DMWD: variants seen among roughly 807,000 people sequenced by gnomAD.
DMWD encodes the protein dystrophia myotonica WD repeat-containing protein.
A neutral mutation model predicts 45.8 loss-of-function variants in DMWD; 19 were observed. That is an observed-to-expected ratio of 0.41 (90% confidence interval 0.29 to 0.61). DMWD has a LOEUF of 0.61. Among genes scored for constraint, DMWD ranks in the 20% least tolerant of loss-of-function variants. The probability of loss-of-function intolerance (pLI) is 0.25; values close to 1 mark genes in which losing one functional copy is unlikely to be tolerated. For missense variants in DMWD, 802 were observed against 965.2 expected, an observed-to-expected ratio of 0.83 and a Z score of 2.24; for synonymous variants, 515 against 440.5, an observed-to-expected ratio of 1.17 and a Z score of -2.12.
Position 45,792,811 on chromosome 19 carries a change from C to G in DMWD, c.-55G>C. ...CGGACTGCCGCCCGCAGCCGGGCCC[C>G]CTCCCGGAAGCCGCTGGCCCGCGCC... On this transcript the variant is annotated 5_prime_UTR_variant, in exon 1 of 5. Transcript: ENST00000270223. 2.8e-6 allele frequency: 3 copies of G among 1,081,900 alleles called. No individual in the cohort carries two copies. Among genetic ancestry groups the G allele is most frequent in the Non-Finnish European group, 3.4e-6 (3 of 893,006 alleles). 67.0% of individuals were successfully genotyped at this position (1,081,900 alleles called of 1,614,324 possible).
Position 45,785,891 on chromosome 19 carries a change from C to T in DMWD, c.1605G>A (p.Gly535=), listed in dbSNP as rs1295088839. The T allele has an allele frequency of 1.9e-6, 3 of 1,604,476 alleles. No homozygotes were observed. Among genetic ancestry groups the T allele is most frequent in the Admixed American group, 3.3e-5 (2 of 59,984 alleles). The change falls in exon 3 of 5, where the codon GGG becomes GGA. Residue 535 remains glycine, a synonymous_variant. Coordinates refer to ENST00000270223, the MANE Select transcript of DMWD (RefSeq NM_004943.2). The part of the protein sequence containing the change: ...TLTLQERRDR[G]AEKEHKRYHS... Reference sequence around the variant, plus strand: ...GGTAGCGCTTGTGCTCCTTCTCTGCCCCCCGGTCCCGCCGCTCCTGCAGTG... The same window carrying T: ...GGTAGCGCTTGTGCTCCTTCTCTGCTCCCCGGTCCCGCCGCTCCTGCAGTG...
rs765163126 is a variant in DMWD, at chr19:45,786,131, G to C, written c.1365C>G (p.Pro455=). 6.5e-7 allele frequency: 1 copy of C among 1,529,972 alleles called. No individual in the cohort carries two copies. Among genetic ancestry groups the C allele is most frequent in the Non-Finnish European group, 8.8e-7 (1 of 1,135,620 alleles). The allele number at this position is 1,529,972 out of a possible 1,614,324, so 94.8% of individuals were successfully genotyped here. ...LTEDVLYPHP[P]LARTRTLPGT... ...CAGGGAGGGTGCGGGTGCGGGCCAGGGGGGGGTGCGGGTAGAGCACGTCTT... is the reference window on the plus strand; with the variant it reads ...CAGGGAGGGTGCGGGTGCGGGCCAGCGGGGGGTGCGGGTAGAGCACGTCTT... Residue 455 remains proline (P), a synonymous_variant, in exon 3 of 5, where the codon CCC becomes CCG. Coordinates refer to ENST00000270223, the MANE Select transcript of DMWD (RefSeq NM_004943.2).
chr19:45,784,658 T>G lies in DMWD; in HGVS notation c.1960A>C (p.Ser654Arg), dbSNP rs755771841. 6.8e-6 allele frequency: 11 copies of G among 1,613,892 alleles called. No homozygotes were observed. Among genetic ancestry groups the G allele is most frequent in the Non-Finnish European group, 9.3e-6 (11 of 1,179,838 alleles). ...TGEGSWPRSP[S>R]KSVVEGISSQ... The stretch of plus-strand genomic sequence containing the variant: ...AGTCCTACCTCTACCACTGACTTGC[T>G]GGGTGACCTGGGCCAACTTCCTTCC... Residue 654 changes from serine (S) to arginine (R), a missense_variant, in exon 4 of 5, where the codon AGC (serine) becomes CGC (arginine). Coordinates refer to ENST00000270223, the MANE Select transcript of DMWD (RefSeq NM_004943.2).
At position 45,792,415 on chromosome 19, in the gene DMWD, G is replaced by C. The variant is rs1422355968; in HGVS notation, c.342C>G (p.Ala114=). 1 of 1,578,488 alleles carries C rather than the reference G, an allele frequency of 6.3e-7. No individual in the cohort carries two copies. The highest frequency in any genetic ancestry group is 1.7e-4 in the Middle Eastern group (1 of 5,986). The change falls in exon 1 of 5, where the codon GCC becomes GCG. Residue 114 remains alanine, a synonymous_variant. Coordinates refer to ENST00000270223, the MANE Select transcript of DMWD (RefSeq NM_004943.2). ...CCCCCGAGCCCAGCCCCGCGGGCGT[G>C]GCGGGCGGCTCCCCGGCCCCGGCGC... is the stretch of plus-strand genomic sequence containing the variant. ...PDSAGAGEPP[A]TPAGLGSGGD...
chr19:45,786,925 C>T, intron 2 of DMWD, 54 bp from the exon 3 acceptor site: 1 of 1,561,322 alleles, frequency 6.4e-7, no homozygotes, highest in South Asian at 1.2e-5. Flanking sequence ...CCAGGCAGAA[C>T]TTCTCCCCGA....
rs533950947 is a variant in DMWD, at chr19:45,791,001, G to A, written c.528C>T (p.Ala176=). Reference sequence around the variant, plus strand: ...CCACCAGCAGCGAGATGGTCTCGGTGGCAGCAGTGAACTGGTTGAAATCGT... The same window carrying A: ...CCACCAGCAGCGAGATGGTCTCGGTAGCAGCAGTGAACTGGTTGAAATCGT... ...TCHDFNQFTA[A]TETISLLVGF... is the part of the protein sequence containing the mutation. Residue 176 remains alanine, a synonymous_variant, in exon 2 of 5, where the codon GCC becomes GCT. Coordinates refer to ENST00000270223, the MANE Select transcript of DMWD (RefSeq NM_004943.2). 14 of 1,614,086 alleles carry A rather than the reference G, an allele frequency of 8.7e-6. No individual in the cohort carries two copies. In the African/African-American group the frequency reaches 9.3e-5, roughly 11 times the overall value.
Position 45,792,345 on chromosome 19 carries a change from G to A in DMWD, c.412C>T (p.Pro138Ser). ...FNLGRELYFY[P>S]GCCRRGSQRS... ...TGGCTCCCACGACGACAGCAGCCTG[G>A]GTAGAAATAGAGCTCACGGCCCAAG... Residue 138 changes from proline (P) to serine (S), a missense_variant, in exon 1 of 5, where the codon CCA becomes TCA. Physicochemically the swap from Pro to Ser is moderately conservative, Grantham distance 74. This residue lies in a region of DMWD where 82 missense variants were observed against 92.9 expected (regional missense o/e 0.88). Transcript: ENST00000270223. The A allele has an allele frequency of 1.2e-6, 2 of 1,611,134 alleles. No individual in the cohort carries two copies. Among genetic ancestry groups the A allele is most frequent in the Admixed American group, 1.7e-5 (1 of 59,848 alleles).
intron 1 of DMWD, 27 bp downstream of exon 1, chr19:45,792,289 C>T: frequency 6.3e-7 from 1 of 1,597,174 alleles, no homozygotes; most frequent in Non-Finnish European, 8.5e-7. Flanking sequence ...TTTCAGCACC[C>T]AGGGCCCCAC....
At chr19:45,784,576 G>A in intron 4 of DMWD, 65 bp downstream of exon 4, 1 of 1,612,938 alleles carries the variant, frequency 6.2e-7, no homozygotes, top group Non-Finnish European at 8.5e-7. Context: ...GGGGGAAACT[G>A]GAGCTCCCTT....
chr19:45,787,024 C>T (rs906657035), intron 2 of DMWD, 153 bp from the exon 3 acceptor site: 2 of 1,340,846 alleles, frequency 1.5e-6, no homozygotes, highest in African/African-American at 3.0e-5. Context: ...AGAGAAGCTC[C>T]CAAACTGGGG....
At position 45,784,261 on chromosome 19, in the gene DMWD, C is replaced by T. The variant is rs767809540; in HGVS notation, c.2007G>A (p.Pro669=). ...EGISSQPGNS[P]SGTVV is the part of the protein sequence containing the mutation. The stretch of plus-strand genomic sequence containing the variant: ...CATGGCTTCACACCACTGTGCCACT[C>T]GGGGAGTTGCCTGGTTGGGAGGAGA... Residue 669 remains proline (P), a synonymous_variant, in exon 5 of 5, where the codon CCG becomes CCA. Coordinates refer to ENST00000270223, the MANE Select transcript of DMWD (RefSeq NM_004943.2). The T allele has an allele frequency of 2.4e-5, 36 of 1,525,488 alleles. No homozygotes were observed. The highest frequency in any genetic ancestry group is 2.9e-5 in the Non-Finnish European group (33 of 1,137,030). The allele number at this position is 1,525,488 out of a possible 1,614,324, so 94.5% of individuals were successfully genotyped here. A position where few individuals can be genotyped will look rare whatever the true frequency, so the allele number is the denominator to read the frequency against.
At position 45,792,632 on chromosome 19, in the gene DMWD, G is replaced by T. The variant is rs1470534768; in HGVS notation, c.125C>A (p.Ala42Asp). The change falls in exon 1 of 5, where the codon GCT (alanine) becomes GAT (aspartate). Residue 42 changes from alanine to aspartate, a missense_variant. By Grantham distance (126) the Ala-to-Asp change is moderately radical (BLOSUM62 -2). Around this residue, in one of 9 missense-constraint regions of DMWD, gnomAD observed 151 missense variants for 128.1 expected, o/e 1.18. Transcript: ENST00000270223. ...GGCGGAAGCCGGACCCGACCTGCGA[G>T]CGGCGCCGTCGCCCGGGAGTAGCTT... is the stretch of plus-strand genomic sequence containing the variant. ...FYKLLPGDGA[A>D]RRSGPASAQT... 7.5e-7 allele frequency: 1 copy of T among 1,335,016 alleles called. No individual in the cohort carries two copies. The allele number at this position is 1,335,016 out of a possible 1,614,324, so 82.7% of individuals were successfully genotyped here.
In DMWD at chr19:45,786,498, C is replaced by T; in HGVS notation, c.998G>A (p.Cys333Tyr). The change falls in exon 3 of 5, where the codon TGC (cysteine) becomes TAC (tyrosine). Residue 333 changes from cysteine to tyrosine, a missense_variant. Cys to Tyr is a radical substitution (Grantham distance 194, BLOSUM62 -2). Coordinates refer to ENST00000270223, the MANE Select transcript of DMWD (RefSeq NM_004943.2). ...KSYFGGLLCV[C>Y]WSPDGRYVVT... ...CACGTAGCGGCCGTCAGGGCTCCAG[C>T]ACACACACAGCAGGCCCCCAAAGTA... 6.2e-7 allele frequency: 1 copy of T among 1,613,718 alleles called. No homozygotes were observed. Among genetic ancestry groups the T allele is most frequent in the Non-Finnish European group, 8.5e-7 (1 of 1,179,668 alleles).
In DMWD at chr19:45,784,207, G is replaced by C; in HGVS notation, c.*36C>G. 6.4e-7 allele frequency: 1 copy of C among 1,568,230 alleles called. No individual in the cohort carries two copies. The highest frequency in any genetic ancestry group is 8.7e-7 in the Non-Finnish European group (1 of 1,151,496). ...AGGGAGGGTTATGGCTAGGAGGCTG[G>C]GGGCATGGGGTTGGGGGGGCCCGAT... On this transcript the variant is annotated 3_prime_UTR_variant, in exon 5 of 5. Transcript: ENST00000270223.
At position 45,786,611 on chromosome 19, in the gene DMWD, A is replaced by G. The variant is rs772504880; in HGVS notation, c.885T>C (p.Asp295=). 6 of 1,613,736 alleles carry G rather than the reference A, an allele frequency of 3.7e-6. No individual in the cohort carries two copies. In the South Asian group the frequency reaches 6.6e-5, roughly 18 times the overall value. ...GGCTCACACAGGCCAGGTGCCGGCC[A>G]TCGGGCGAGAAGGCGAACTCGTTGA... ...GPLNEFAFSP[D]GRHLACVSQD... Residue 295 remains aspartate (D), a synonymous_variant, in exon 3 of 5, where the codon GAT becomes GAC. Transcript: ENST00000270223.
chr19:45,784,038 G>T lies in DMWD; in HGVS notation c.*205C>A, dbSNP rs1166454888. On this transcript the variant is annotated 3_prime_UTR_variant, in exon 5 of 5. Transcript: ENST00000270223. The stretch of plus-strand genomic sequence containing the variant: ...GTCATTGTACTTGGCAGTGGGTGGG[G>T]GACAAGGCTGAGGCCACAAGGGCTA... The T allele has an allele frequency of 1.6e-6, 1 of 644,796 alleles. No individual in the cohort carries two copies. The highest frequency in any genetic ancestry group is 2.4e-4 in the Middle Eastern group (1 of 4,170). 39.9% of individuals were successfully genotyped at this position (644,796 alleles called of 1,614,324 possible). A position where few individuals can be genotyped will look rare whatever the true frequency, so the allele number is the denominator to read the frequency against.
rs555745356 is a variant in DMWD at position 45,785,965 on chromosome 19, C to T, written c.1531G>A (p.Ala511Thr). The change falls in exon 3 of 5, where the codon GCG (alanine) becomes ACG (threonine). Residue 511 changes from alanine (A) to threonine (T), a missense_variant. This residue lies in a region of DMWD where 303 missense variants were observed against 332.9 expected (regional missense o/e 0.91). Coordinates refer to ENST00000270223, the MANE Select transcript of DMWD (RefSeq NM_004943.2). ...CTGAATGGTGTGCCAGGCTCTGCCG[C>T]CACACCCGGGCCGCCCGCCTTGCCC... ...GGGKAGGPGV[A>T]AEPGTPFSIG... The T allele has an allele frequency of 1.3e-6, 2 of 1,580,976 alleles. No homozygotes were observed. The highest frequency in any genetic ancestry group is 2.3e-5 in the East Asian group (1 of 44,102).
At chr19:45,788,271 C>T (rs999443547) in intron 2 of DMWD, among the ~76,000 whole-genome samples, 2 of 152,184 alleles carry the variant, frequency 1.3e-5, no homozygotes, top group African/African-American at 2.4e-5. Flanking sequence ...CTGAACACTT[C>T]GCAGCCTCTC....
intron 2 of DMWD, among the ~76,000 whole-genome samples, chr19:45,788,371 C>T (rs950834536): frequency 4.6e-5 from 7 of 152,232 alleles, no homozygotes; most frequent in African/African-American, 1.7e-4. Flanking sequence ...TGAGGTGCCT[C>T]CCATCCCTGG....
Sources: allele counts gnomAD v4.1 joint callset (sites outside exome capture counted in the v4.1 genomes callset), GRCh38; gene constraint gnomAD v4.1.1; regional missense constraint gnomAD v4.1.1; transcripts MANE v1.5; gene names NCBI Gene and HGNC (gene_info 2026-07-23, HGNC 2026-07-21).